Variants in UPF3B observed in about 807,000 individuals in gnomAD.
UPF3B encodes regulator of nonsense transcripts 3B.
In UPF3B, 7 loss-of-function variants were observed where a neutral mutation model predicts 40.3. That is an observed-to-expected ratio of 0.17 (90% CI 0.10 to 0.33). The LOEUF (loss-of-function observed/expected upper bound fraction) is 0.33. Ranked by LOEUF, UPF3B falls within the 10% of genes least tolerant of loss-of-function variation. The pLI is 1.00. For missense variants in UPF3B, 229 were observed against 358.9 expected, an observed-to-expected ratio of 0.64 and a Z score of 2.93; for synonymous variants, 117 against 117.3, an observed-to-expected ratio of 1.00 and a Z score of 0.01.
chrX:119,838,991 G>A (rs190752282), intron 8 of UPF3B, among the ~76,000 whole-genome samples: 1 of 111,518 alleles, frequency 9.0e-6, no homozygotes, highest in Non-Finnish European at 1.9e-5. Flanking sequence ...CACCCAGGCT[G>A]TTCTCAAACT....
chrX:119,818,293 C>T (rs1420762329), intron 4 of UPF3B, among the ~76,000 whole-genome samples: 3 of 110,784 alleles, frequency 2.7e-5, no homozygotes, highest in African/African-American at 9.9e-5. Context: ...AAATCCTCTT[C>T]GTGCTTTAAC....
chrX:119,844,586 A>AT (rs1170481716), intron 4 of UPF3B, among the ~76,000 whole-genome samples: 7 of 109,817 alleles, frequency 6.4e-5, no homozygotes, highest in Admixed American at 4.9e-4. Flanking sequence ...TTGAAACCTG[A>AT]TTTTTTTCCA....
chrX:119,831,634 A>G, downstream of UPF3B: 3 of 721,612 alleles, frequency 4.2e-6, no homozygotes, highest in Non-Finnish European at 4.9e-6. Flanking sequence ...CTTCTTTTCT[A>G]CAGCTAATAC....
At chrX:119,808,565 GCA>G (rs2147750259) in intron 5 of UPF3B, among the ~76,000 whole-genome samples, 1 of 100,709 alleles carries the variant, frequency 9.9e-6, no homozygotes, top group South Asian at 5.1e-4. Flanking sequence ...CCAGGGCCGG[GCA>G]CACAGTCAGT....
intron 4 of UPF3B, among the ~76,000 whole-genome samples, chrX:119,816,616 CAA>C (rs2055867656): frequency 1.8e-5 from 2 of 111,248 alleles, no homozygotes; most frequent in South Asian, 7.6e-4. Flanking sequence ...ACAGGCTAGA[CAA>C]AGAGGCAAGG....
chrX:119,830,757 G>T (rs865819503), downstream of UPF3B, among the ~76,000 whole-genome samples: 210 of 100,386 alleles, frequency 2.1e-3, 1 homozygote, highest in African/African-American at 6.9e-3. Context: ...AAAAAAAAAA[G>T]AAATAAAAAA....
chrX:119,821,852 C>T (rs1288414375), intron 4 of UPF3B, among the ~76,000 whole-genome samples: 1 of 111,339 alleles, frequency 9.0e-6, no homozygotes, highest in Non-Finnish European at 1.9e-5. Flanking sequence ...TAAAGTTACT[C>T]ACCACACTTA....
intron 3 of UPF3B, among the ~76,000 whole-genome samples, chrX:119,850,086 A>T (rs914847840): frequency 9.1e-6 from 1 of 109,318 alleles, no homozygotes; most frequent in African/African-American, 3.4e-5. Context: ...ACTTGAGCCC[A>T]GGAGTTCAAG....
At position 119,835,069 on chromosome X, in the gene UPF3B, T is replaced by C. The variant is rs1271365114; in HGVS notation, c.1303-42A>G. The C allele has an allele frequency of 2.5e-6, 3 of 1,183,774 alleles. No homozygotes were observed. In the African/African-American group the frequency reaches 5.3e-5, roughly 21 times the overall value. On this transcript the variant is annotated intron_variant, in intron 10 of 10. Transcript: ENST00000276201. ...TATGTTACCATTACAACAATGCTAC[T>C]AAGCTTTTATATGGGATTTTTAAGA...
intron 3 of UPF3B, among the ~76,000 whole-genome samples, chrX:119,845,988 A>G (rs2056224229): frequency 9.0e-6 from 1 of 110,916 alleles, no homozygotes; most frequent in South Asian, 3.7e-4. Context: ...ATATGTATAC[A>G]ATATGTATAC....
intron 8 of UPF3B, among the ~76,000 whole-genome samples, chrX:119,840,254 C>T (rs895740527): frequency 4.5e-5 from 5 of 111,750 alleles, no homozygotes; most frequent in African/African-American, 1.6e-4. Flanking sequence ...CTGCTGCTCA[C>T]AGATTCCCAG....
chrX:119,851,640 G>A (rs1190394216), intron 2 of UPF3B, 39 bp from the exon 3 acceptor site: 1 of 1,032,495 alleles, frequency 9.7e-7, no homozygotes, highest in Non-Finnish European at 1.4e-6. Context: ...GTACTCGCAG[G>A]TGTCTGGCCC....
chrX:119,839,683 C>T (rs1174892537), intron 8 of UPF3B, among the ~76,000 whole-genome samples: 4 of 111,975 alleles, frequency 3.6e-5, no homozygotes, highest in Non-Finnish European at 5.6e-5. Flanking sequence ...TTTTGGCACA[C>T]AGACAGCCAC....
Position 119,852,804 on chromosome X carries a change from C to A in UPF3B, c.125G>T (p.Arg42Leu). The A allele has an allele frequency of 1.6e-6, 2 of 1,212,509 alleles. No homozygotes were observed. Among genetic ancestry groups the A allele is most frequent in the Non-Finnish European group, 2.2e-6 (2 of 895,681 alleles). The change falls in exon 1 of 11, where the codon CGC becomes CTC. Residue 42 changes from arginine to leucine, a missense_variant. This residue lies in a region of UPF3B where 87 missense variants were observed against 184.2 expected (regional missense o/e 0.47). Coordinates refer to ENST00000276201, the MANE Select transcript of UPF3B (RefSeq NM_080632.3). ...DSSKGEDKQDRNKEKKEALSK... is the reference protein window; with the variant it reads ...DSSKGEDKQDLNKEKKEALSK... The stretch of plus-strand genomic sequence containing the variant: ...CAGCGCTTCTTTCTTCTCCTTGTTG[C>A]GATCCTGCTTATCTTCCCCCTTGGA...
Position 119,820,943 on chromosome X carries a change from G to A in UPF3B, c.494+1999C>T, listed in dbSNP as rs980229856. Among the ~76,000 whole-genome samples the A allele has an allele frequency of 5.4e-5, 6 of 111,824 alleles. No homozygotes were observed. In the East Asian group the frequency reaches 1.4e-3, roughly 26 times the overall value. On this transcript the variant is annotated intron_variant, in intron 4 of 6. Transcript: ENST00000636792. ...AATCAGGCAAAAGCTCAAGGATGTTGTCTAAACATTTTGTTCTTATGGGAC... is the reference window on the plus strand; with the variant it reads ...AATCAGGCAAAAGCTCAAGGATGTTATCTAAACATTTTGTTCTTATGGGAC...
intron 3 of UPF3B, among the ~76,000 whole-genome samples, chrX:119,827,734 CTCT>C (rs1428341374): frequency 6.4e-5 from 7 of 109,442 alleles, no homozygotes; most frequent in Non-Finnish European, 1.3e-4. Context: ...GTTTTTTTTC[CTCT>C]TCTTTATTTT....
chrX:119,843,346 CA>C, intron 4 of UPF3B, 45 bp from the exon 5 acceptor site: 1 of 873,938 alleles, frequency 1.1e-6, no homozygotes. Flanking sequence ...AGACTTTAAA[CA>C]AAAAAAGAAG....
chrX:119,828,007 G>A (rs186407767), intron 3 of UPF3B, among the ~76,000 whole-genome samples: 9 of 107,356 alleles, frequency 8.4e-5, no homozygotes, highest in African/African-American at 3.1e-4. Flanking sequence ...AAGTTCTGGT[G>A]TTACAGGTGT....
At chrX:119,820,122 G>C (rs2055900433) in intron 4 of UPF3B, among the ~76,000 whole-genome samples, 1 of 110,863 alleles carries the variant, frequency 9.0e-6, no homozygotes, top group Non-Finnish European at 1.9e-5. Context: ...TGGGACTACA[G>C]GCATGTGCCA....
Sources: allele counts gnomAD v4.1 joint callset (sites outside exome capture counted in the v4.1 genomes callset), GRCh38; gene constraint gnomAD v4.1.1; regional missense constraint gnomAD v4.1.1; transcripts MANE v1.5; gene names NCBI Gene and HGNC (gene_info 2026-07-23, HGNC 2026-07-21).